Variants in PIK3R3 observed in about 807,000 individuals in gnomAD.
PIK3R3 encodes the protein phosphatidylinositol 3-kinase regulatory subunit gamma.
In PIK3R3, 64 loss-of-function variants were observed where a neutral mutation model predicts 62.9. That is an observed-to-expected ratio of 1.02 (90% CI 0.83 to 1.25). The LOEUF is 1.25. PIK3R3 is among the 50% of genes most tolerant of loss of function. The pLI is 0.00. For missense variants in PIK3R3, 614 were observed against 561.6 expected (o/e 1.09, Z -0.94); for synonymous variants, 165 against 189.0 (o/e 0.87, Z 1.04).
intron 3 of PIK3R3, among the ~76,000 whole-genome samples, chr1:46,076,387 A>G (rs1650064104): frequency 6.6e-6 from 1 of 152,174 alleles, no homozygotes; most frequent in Non-Finnish European, 1.5e-5. Context: ...TGCTTCTAAG[A>G]AGAAGTGTCT....
the PIK3R3 span, among the ~76,000 whole-genome samples, chr1:46,166,792 C>G: frequency 6.6e-6 from 1 of 152,192 alleles, no homozygotes; most frequent in African/African-American, 2.4e-5. Flanking sequence ...GACAATGGAG[C>G]CGCTTTCCGG....
chr1:46,087,377 T>C (rs920319291), intron 1 of PIK3R3, among the ~76,000 whole-genome samples: 20 of 151,044 alleles, frequency 1.3e-4, no homozygotes, highest in South Asian at 8.3e-4. Context: ...TCGCTGAGAA[T>C]AGGGGTGAGC....
At chr1:46,127,496 G>A (rs1252193549) in intron 1 of PIK3R3, among the ~76,000 whole-genome samples, 3 of 151,872 alleles carry the variant, frequency 2.0e-5, no homozygotes, top group African/African-American at 4.8e-5. Context: ...CAATAACAAC[G>A]TCAAAACTAA....
the PIK3R3 span, among the ~76,000 whole-genome samples, chr1:46,149,811 C>T: frequency 6.6e-6 from 1 of 152,116 alleles, no homozygotes. Flanking sequence ...GATTACAGGC[C>T]TAAGCCTCCG....
chr1:46,147,277 T>G, the PIK3R3 span, among the ~76,000 whole-genome samples: 1 of 152,146 alleles, frequency 6.6e-6, no homozygotes, highest in East Asian at 1.9e-4. Flanking sequence ...CTAATTTTTG[T>G]ATTTTTAGTA....
the PIK3R3 span, among the ~76,000 whole-genome samples, chr1:46,140,608 T>C: frequency 6.6e-6 from 1 of 152,042 alleles, no homozygotes; most frequent in Non-Finnish European, 1.5e-5. Context: ...ATTGGAGACA[T>C]AGACATAGAT....
intron 1 of PIK3R3, among the ~76,000 whole-genome samples, chr1:46,126,514 G>A (rs1379741675): frequency 6.6e-6 from 1 of 151,334 alleles, no homozygotes; most frequent in Non-Finnish European, 1.5e-5. Context: ...CTCCACTCTG[G>A]GCAAAAGAGT....
intron 2 of PIK3R3, among the ~76,000 whole-genome samples, chr1:46,079,454 A>G (rs1048564592): frequency 7.2e-5 from 11 of 152,208 alleles, no homozygotes; most frequent in Non-Finnish European, 1.3e-4. Context: ...TATTAAATGC[A>G]GATTCCTGGG....
intron 5 of PIK3R3, 83 bp downstream of exon 5, chr1:46,065,971 A>T (rs1410800888): frequency 8.1e-7 from 1 of 1,228,938 alleles, no homozygotes; most frequent in Non-Finnish European, 1.2e-6. Flanking sequence ...AAAACAGCTA[A>T]AGATCATCAA....
chr1:46,077,649 T>G, intron 2 of PIK3R3, 36 bp from the exon 3 acceptor site: 2 of 1,334,996 alleles, frequency 1.5e-6, no homozygotes, highest in Non-Finnish European at 2.2e-6. Context: ...TGAAAAAATG[T>G]CAACACTGGT....
chr1:46,151,030 C>T, the PIK3R3 span, among the ~76,000 whole-genome samples: 1 of 151,900 alleles, frequency 6.6e-6, no homozygotes, highest in Non-Finnish European at 1.5e-5. Flanking sequence ...AGGCTGGTCT[C>T]GAACTCCTGA....
chr1:46,062,765 G>A (rs1343590165), intron 5 of PIK3R3, among the ~76,000 whole-genome samples: 2 of 152,248 alleles, frequency 1.3e-5, no homozygotes, highest in Non-Finnish European at 1.5e-5. Context: ...TACTAGGCTG[G>A]GGTGTTTGGT....
the PIK3R3 span, among the ~76,000 whole-genome samples, chr1:46,146,810 G>T: frequency 3.3e-5 from 5 of 151,158 alleles, no homozygotes; most frequent in Non-Finnish European, 5.9e-5. Context: ...GGTTGGGGTA[G>T]TAATGATCTG....
At chr1:46,074,793 C>T (rs1031196818) in intron 3 of PIK3R3, among the ~76,000 whole-genome samples, 2 of 152,194 alleles carry the variant, frequency 1.3e-5, no homozygotes, top group African/African-American at 4.8e-5. Flanking sequence ...CATCCCCATC[C>T]AAACGTATAG....
intron 1 of PIK3R3, among the ~76,000 whole-genome samples, chr1:46,086,704 A>G (rs1651091997): frequency 6.6e-6 from 1 of 152,182 alleles, no homozygotes; most frequent in Non-Finnish European, 1.5e-5. Context: ...TCTAAGAAAA[A>G]AAAAGCAATC....
intron 9 of PIK3R3, among the ~76,000 whole-genome samples, chr1:46,045,641 T>TG (rs1647093040): frequency 7.1e-6 from 1 of 140,072 alleles, no homozygotes; most frequent in Non-Finnish European, 1.5e-5. Flanking sequence ...TTTTTTTTTT[T>TG]TTTCAATTTA....
chr1:46,098,679 G>A (rs2149438653), intron 1 of PIK3R3, among the ~76,000 whole-genome samples: 1 of 152,244 alleles, frequency 6.6e-6, no homozygotes, highest in South Asian at 2.1e-4. Context: ...AGTTGCCACA[G>A]ACTGAGGCTA....
In PIK3R3 at chr1:46,043,329, T is replaced by C. The variant is rs989979358; in HGVS notation, c.*344A>G. The stretch of plus-strand genomic sequence containing the variant: ...TAGATTTTAAAAAGACATGGTCTCT[T>C]CAGAGGCTTCCAAATACAACCCCAC... On this transcript the variant is annotated 3_prime_UTR_variant, in exon 10 of 10. Transcript: ENST00000262741. 2.8e-6 allele frequency: 1 copy of C among 362,000 alleles called. No individual in the cohort carries two copies. Among genetic ancestry groups the C allele is most frequent in the Non-Finnish European group, 5.2e-6 (1 of 193,110 alleles). The allele number at this position is 362,000 out of a possible 1,614,324, so 22.4% of individuals were successfully genotyped here.
intron 1 of PIK3R3, among the ~76,000 whole-genome samples, chr1:46,095,208 T>C (rs1044572756): frequency 2.0e-5 from 3 of 152,130 alleles, no homozygotes; most frequent in Non-Finnish European, 2.9e-5. Flanking sequence ...CTATACACAA[T>C]AGCAAAGGCA....
Sources: allele counts gnomAD v4.1 joint callset (sites outside exome capture counted in the v4.1 genomes callset), GRCh38; gene constraint gnomAD v4.1.1; transcripts MANE v1.5; gene names NCBI Gene and HGNC (gene_info 2026-07-23, HGNC 2026-07-21).